Variants in RNF40 observed in about 807,000 individuals in gnomAD.
RNF40 encodes ring finger protein 40, also known as E3 ubiquitin-protein ligase BRE1B.
Under a neutral mutation model 123.3 loss-of-function variants are expected in RNF40, and 39 were observed. That is an observed-to-expected ratio of 0.32 (90% confidence interval 0.24 to 0.41). RNF40 has a LOEUF of 0.41. Among genes scored for constraint, RNF40 ranks in the 10% least tolerant of loss-of-function variants. The pLI is 1.00. For synonymous variants in RNF40, 538 were observed against 526.0 expected (o/e 1.02, Z -0.31); for missense variants, 1,003 against 1,319.9 (o/e 0.76, Z 3.72).
Position 30,766,110 on chromosome 16 carries a change from G to C in RNF40, c.994-53G>C, listed in dbSNP as rs2054026343. 3.1e-6 allele frequency: 5 copies of C among 1,611,874 alleles called. No homozygotes were observed. The highest frequency in any genetic ancestry group is 4.2e-6 in the Non-Finnish European group (5 of 1,179,190). On this transcript the variant is annotated intron_variant, in intron 8 of 19. Coordinates refer to ENST00000324685, the MANE Select transcript of RNF40 (RefSeq NM_014771.4). The surrounding 1 kb of genome is among the most constrained non-coding windows in gnomAD (Gnocchi z 5.4). ...AGTGTATGCTGGGGATGTAAGGGAGGCCTGCTGCCACGTCTGGCCCTGCCT... is the reference window on the plus strand; with the variant it reads ...AGTGTATGCTGGGGATGTAAGGGAGCCCTGCTGCCACGTCTGGCCCTGCCT...
At chr16:30,767,806 T>A in intron 11 of RNF40, 88 bp from the exon 12 acceptor site, 1 of 1,555,366 alleles carries the variant, frequency 6.4e-7, no homozygotes. Context: ...ACAGTGGGAG[T>A]GATGGCATAG....
At chr16:30,765,534 C>T (rs1014512192) in intron 8 of RNF40, 35 bp downstream of exon 8, 1 of 1,586,410 alleles carries the variant, frequency 6.3e-7, no homozygotes, top group Non-Finnish European at 8.6e-7. Flanking sequence ...CTTCTCACAA[C>T]CTCTTCTCTG....
chr16:30,763,674 G>C, intron 4 of RNF40, 115 bp downstream of exon 4: 1 of 1,135,802 alleles, frequency 8.8e-7, no homozygotes, highest in Non-Finnish European at 1.3e-6. Context: ...TCACGAAATG[G>C]ATTTCATGTT....
intron 16 of RNF40, 34 bp downstream of exon 16, chr16:30,769,432 G>T: frequency 6.2e-7 from 1 of 1,614,228 alleles, no homozygotes; most frequent in Non-Finnish European, 8.5e-7. Context: ...ACTGGAGCTG[G>T]AGAGGTGGGG....
chr16:30,774,268 T>G lies in RNF40; in HGVS notation c.*154T>G. 2.8e-6 allele frequency: 2 copies of G among 709,946 alleles called. No individual in the cohort carries two copies. Among genetic ancestry groups the G allele is most frequent in the Non-Finnish European group, 4.6e-6 (2 of 438,798 alleles). The allele number at this position is 709,946 out of a possible 1,614,324, so 44.0% of individuals were successfully genotyped here. On this transcript the variant is annotated 3_prime_UTR_variant, in exon 20 of 20. Transcript: ENST00000324685. The stretch of plus-strand genomic sequence containing the variant: ...TTGGTTTGGGGACCCTGGTGCATGC[T>G]AGTGGGCATGGGATCAGCCAAGCTT...
rs1363055944 is a variant in RNF40, at chr16:30,766,318, G to A, written c.1113+36G>A. The A allele has an allele frequency of 1.2e-6, 2 of 1,613,802 alleles. No homozygotes were observed. Among genetic ancestry groups the A allele is most frequent in the Non-Finnish European group, 1.7e-6 (2 of 1,179,850 alleles). The stretch of plus-strand genomic sequence containing the variant: ...GTAGGGGCTGAGAGGTCCTGGGCCT[G>A]TAAGGGAGGGACTGAGCCCTGAATC... On this transcript the variant is annotated intron_variant, in intron 9 of 19. Coordinates refer to ENST00000324685, the MANE Select transcript of RNF40 (RefSeq NM_014771.4). The surrounding 1 kb of genome is among the most constrained non-coding windows in gnomAD (Gnocchi z 5.4).
rs2053881604 is a variant in RNF40, at chr16:30,762,643, T to C, written c.98T>C (p.Ile33Thr). 1 of 1,613,092 alleles carries C rather than the reference T, an allele frequency of 6.2e-7. No homozygotes were observed. The highest frequency in any genetic ancestry group is 1.7e-5 in the Admixed American group (1 of 59,804). ...SREEKTTTTL[I>T]EPIRLGGISS... ...GAGGAGAAGACCACCACGACTCTTA[T>C]CGAGCCCATTCGTCTTGGAGGCATC... Residue 33 changes from isoleucine (I) to threonine (T), a missense_variant, in exon 2 of 20, where the codon ATC (isoleucine) becomes ACC (threonine). Transcript: ENST00000324685.
At chr16:30,769,699 G>A (rs2054112725) in intron 17 of RNF40, 99 bp downstream of exon 17, 2 of 1,332,844 alleles carry the variant, frequency 1.5e-6, no homozygotes, top group Non-Finnish European at 2.0e-6. Flanking sequence ...CTGAGGTGAA[G>A]CCAGGCTGTC....
chr16:30,768,905 C>T lies in RNF40; in HGVS notation c.2165C>T (p.Ala722Val), dbSNP rs769899565. The change falls in exon 15 of 20, where the codon GCG becomes GTG. Residue 722 changes from alanine (A) to valine (V), a missense_variant. This residue lies in a region of RNF40 where 295 missense variants were observed against 331.7 expected (regional missense o/e 0.89). Coordinates refer to ENST00000324685, the MANE Select transcript of RNF40 (RefSeq NM_014771.4). The surrounding 1 kb of genome is among the most constrained non-coding windows in gnomAD (Gnocchi z 4.1). ...ERDRRESKKI[A>V]DEDALRRIRQ... ...GATCGAAGGGAGAGCAAGAAGATCG[C>T]GGATGAGGATGCCCTGCGGCGCATT... 13 of 1,614,064 alleles carry T rather than the reference C, an allele frequency of 8.1e-6. No homozygotes were observed. In the African/African-American group the frequency reaches 1.2e-4, roughly 15 times the overall value.
At chr16:30,764,116 C>T (rs2053977014) in intron 4 of RNF40, 63 bp from the exon 5 acceptor site, 3 of 1,391,438 alleles carry the variant, frequency 2.2e-6, no homozygotes, top group Non-Finnish European at 3.0e-6. Flanking sequence ...CAGTCTGGAA[C>T]TTGGTACAGA....
rs147181313 is a variant in RNF40 at position 30,774,402 on chromosome 16, G to A, written c.*288G>A. On this transcript the variant is annotated 3_prime_UTR_variant, in exon 20 of 20. Transcript: ENST00000324685. ...CCCAGAGCACTTGACTGAGCTTCCCGGAAACTGGCCCTAACCTGTCTGTCT... is the reference window on the plus strand; with the variant it reads ...CCCAGAGCACTTGACTGAGCTTCCCAGAAACTGGCCCTAACCTGTCTGTCT... 6.4e-5 allele frequency: 24 copies of A among 374,592 alleles called. No individual in the cohort carries two copies. The highest frequency in any genetic ancestry group is 1.3e-4 in the East Asian group (3 of 22,758). 23.2% of individuals were successfully genotyped at this position (374,592 alleles called of 1,614,324 possible).
rs889653096 is a variant in RNF40, at chr16:30,775,307, G to A, written c.*1193G>A. On this transcript the variant is annotated 3_prime_UTR_variant, in exon 20 of 20. Transcript: ENST00000324685. ...GAGGGCTCAGACTTAACGGCCGGCA[G>A]GGATCCCGGACTGGGCCTGAAGGGG... 3.3e-6 allele frequency: 1 copy of A among 305,438 alleles called. No homozygotes were observed. The highest frequency in any genetic ancestry group is 6.4e-6 in the Non-Finnish European group (1 of 156,308). The allele number at this position is 305,438 out of a possible 1,614,324, so 18.9% of individuals were successfully genotyped here. A position where few individuals can be genotyped will look rare whatever the true frequency, so the allele number is the denominator to read the frequency against.
chr16:30,764,979 C>A lies in RNF40; in HGVS notation c.691C>A (p.Arg231=), dbSNP rs902786997. ...CAGTGAGGCGGCTCAGGCACACACC[C>A]GAGAGCTGGGCCGTGAGAACCGGCG... ...PLSEAAQAHT[R]ELGRENRRLQ... Residue 231 remains arginine (R), a synonymous_variant, in exon 6 of 20, where the codon CGA becomes AGA. Coordinates refer to ENST00000324685, the MANE Select transcript of RNF40 (RefSeq NM_014771.4). The A allele has an allele frequency of 3.1e-6, 5 of 1,613,226 alleles. No homozygotes were observed. Among genetic ancestry groups the A allele is most frequent in the Middle Eastern group, 1.8e-4 (1 of 5,422 alleles).
In RNF40 at chr16:30,775,796, G is replaced by GACGCA. The variant is rs2054224821; in HGVS notation, c.*1682_*1683insACGCA. ...CGACAGTGCTATGGCCACGGCAGGG[G>GACGCA]CCGCGTGCGTCTCAGCGGTGGCGCC... On this transcript the variant is annotated 3_prime_UTR_variant, in exon 20 of 20. Transcript: ENST00000324685. 6.6e-6 allele frequency: 1 copy of GACGCA among 152,324 alleles called. No homozygotes were observed. The highest frequency in any genetic ancestry group is 6.5e-5 in the Admixed American group (1 of 15,290). The allele number at this position is 152,324 out of a possible 1,614,324, so 9.4% of individuals were successfully genotyped here. A position where few individuals can be genotyped will look rare whatever the true frequency, so the allele number is the denominator to read the frequency against.
At chr16:30,762,035 G>A, upstream of RNF40, 1 of 486,104 alleles carries the variant, frequency 2.1e-6, no homozygotes. Context: ...TGCCCACCTG[G>A]GCGCCCTCTC....
chr16:30,772,160 A>G lies in RNF40; in HGVS notation c.2799A>G (p.Glu933=), dbSNP rs2054159903. 1 of 1,552,914 alleles carries G rather than the reference A, an allele frequency of 6.4e-7. No homozygotes were observed. Among genetic ancestry groups the G allele is most frequent in the Non-Finnish European group, 8.7e-7 (1 of 1,147,712 alleles). ...RKVEVYADAD[E]ILQEEIKEYK... is the part of the protein sequence containing the mutation. ...TGGAGGTCTACGCAGATGCCGACGA[A>G]ATCCTCCAGGAGGAGATCAAGGAGT... Residue 933 remains glutamate, a synonymous_variant, in exon 19 of 20, where the codon GAA becomes GAG. Transcript: ENST00000324685.
rs1567290507 is a variant in RNF40, at chr16:30,775,107, C to T, written c.*993C>T. On this transcript the variant is annotated 3_prime_UTR_variant, in exon 20 of 20. Transcript: ENST00000324685. Reference sequence around the variant, plus strand: ...CCAGAGGGTTGGAGCTGCAGGGACCCGTTTGGACCCACAGCCTCTGTTCTA... The same window carrying T: ...CCAGAGGGTTGGAGCTGCAGGGACCTGTTTGGACCCACAGCCTCTGTTCTA... 2.2e-6 allele frequency: 1 copy of T among 449,316 alleles called. No homozygotes were observed. The highest frequency in any genetic ancestry group is 1.6e-5 in the South Asian group (1 of 63,700). The allele number at this position is 449,316 out of a possible 1,614,324, so 27.8% of individuals were successfully genotyped here.
chr16:30,769,111 C>A (rs1004958043), intron 15 of RNF40, 75 bp from the exon 16 acceptor site: 10 of 1,593,518 alleles, frequency 6.3e-6, no homozygotes, highest in African/African-American at 4.0e-5. Context: ...TGCTTCGCTG[C>A]GTTTTCCCAT....
At position 30,768,204 on chromosome 16, in the gene RNF40, G is replaced by A. The variant is rs764466435; in HGVS notation, c.1653G>A (p.Gly551=). ...CAGCCCCAGGGAAAGAGGAGGGTGG[G>A]CCAGGCCCTGTCAGTACCCCCGACA... is the stretch of plus-strand genomic sequence containing the variant. ...SAPAPGKEEG[G]PGPVSTPDNR... Residue 551 remains glycine, a synonymous_variant, in exon 13 of 20, where the codon GGG becomes GGA. Transcript: ENST00000324685. This position sits in a 1 kb window ranked among gnomAD's most constrained non-coding sequence, Gnocchi z 4.1. 5.0e-6 allele frequency: 8 copies of A among 1,613,288 alleles called. No individual in the cohort carries two copies. The Admixed American group carries it at 6.7e-5, about 13-fold the overall frequency.
Sources: allele counts gnomAD v4.1 joint callset, GRCh38; gene constraint gnomAD v4.1.1; regional missense constraint gnomAD v4.1.1; non-coding constraint Gnocchi (gnomAD v3.1); transcripts MANE v1.5; gene names NCBI Gene and HGNC (gene_info 2026-07-23, HGNC 2026-07-21).